Variants in PRKG1 observed in about 807,000 individuals in gnomAD.
PRKG1 encodes the protein cGMP-dependent protein kinase 1.
Under a neutral mutation model 88.1 loss-of-function variants are expected in PRKG1, and 35 were observed. The ratio of observed to expected loss-of-function variants is 0.40; its 90% CI spans 0.30 to 0.53. PRKG1 has a LOEUF of 0.53. PRKG1 is among the 20% of genes least tolerant of loss of function. The pLI is 0.59. For synonymous variants in PRKG1, 303 were observed against 292.5 expected (o/e 1.04, Z -0.37); for missense variants, 540 against 839.8 (o/e 0.64, Z 4.41).
At chr10:51,670,420 C>A (rs1169559906) in intron 3 of PRKG1, among the ~76,000 whole-genome samples, 2 of 146,120 alleles carry the variant, frequency 1.4e-5, no homozygotes, top group East Asian at 4.0e-4. Flanking sequence ...CCTTCTGTTT[C>A]TTCTCTTCAG....
At chr10:51,274,623 A>T (rs1271402958) in intron 2 of PRKG1, among the ~76,000 whole-genome samples, 2 of 152,210 alleles carry the variant, frequency 1.3e-5, no homozygotes, top group Admixed American at 6.5e-5. Flanking sequence ...AAAGTTATTG[A>T]TCGATCCTGT....
intron 8 of PRKG1, among the ~76,000 whole-genome samples, chr10:52,155,935 T>C (rs1387128735): frequency 6.6e-6 from 1 of 151,994 alleles, no homozygotes; most frequent in Non-Finnish European, 1.5e-5. Flanking sequence ...AAGGAGATAA[T>C]TCCTGAAATT....
intron 4 of PRKG1, among the ~76,000 whole-genome samples, chr10:51,870,762 C>T (rs1257933212): frequency 6.6e-6 from 1 of 152,102 alleles, no homozygotes; most frequent in African/African-American, 2.4e-5. Flanking sequence ...GCTCCCATGC[C>T]ATAAACTTTT....
At chr10:51,363,354 T>A (rs1189869588) in intron 2 of PRKG1, among the ~76,000 whole-genome samples, 1 of 151,928 alleles carries the variant, frequency 6.6e-6, no homozygotes, top group East Asian at 1.9e-4. Context: ...TTTCTTTTCA[T>A]CTCTCACGGA....
intron 2 of PRKG1, among the ~76,000 whole-genome samples, chr10:51,354,781 G>A (rs545428549): frequency 7.2e-5 from 11 of 152,186 alleles, no homozygotes; most frequent in African/African-American, 1.2e-4. Context: ...AAGGAGACAG[G>A]CTGTGTTGTC....
intron 2 of PRKG1, among the ~76,000 whole-genome samples, chr10:51,366,371 A>G (rs187758370): frequency 7.2e-5 from 11 of 152,112 alleles, no homozygotes; most frequent in African/African-American, 2.6e-4. Context: ...TAGATTTTAA[A>G]GAGCATTCTA....
At chr10:52,152,087 C>T (rs1364574957) in intron 8 of PRKG1, among the ~76,000 whole-genome samples, 3 of 152,116 alleles carry the variant, frequency 2.0e-5, no homozygotes, top group Non-Finnish European at 2.9e-5. Flanking sequence ...TAGGTGGATA[C>T]CCTAAGACAT....
rs764998402 is a variant in PRKG1, at chr10:51,303,810, T to TAC, written c.478+150481_478+150482insCA. 1.8e-3 allele frequency among the ~76,000 whole-genome samples: 277 copies of TAC among 151,892 alleles called. 1 individual carries two copies. The highest frequency in any genetic ancestry group is 3.4e-3 in the Admixed American group (51 of 15,214). ...TAAAATAAAACTATATCTATATATA[T>TAC]ATACACACACACACACACATACATA... On this transcript the variant is annotated intron_variant, in intron 2 of 17. Coordinates refer to ENST00000373980, the MANE Select transcript of PRKG1 (RefSeq NM_006258.4).
At chr10:51,578,980 G>GTTTTTTTTTGTTTT (rs1837958291) in intron 3 of PRKG1, among the ~76,000 whole-genome samples, 1 of 77,828 alleles carries the variant, frequency 1.3e-5, no homozygotes, top group South Asian at 5.0e-4. Context: ...AGTTCTGTTG[G>GTTTTTTTTTGTTTT]TTTTTTTTTT....
intron 2 of PRKG1, among the ~76,000 whole-genome samples, chr10:51,388,847 C>A (rs625639): frequency 6.6e-6 from 1 of 152,062 alleles, no homozygotes; most frequent in Non-Finnish European, 1.5e-5. Context: ...TTCTCACCAG[C>A]GTTCTAGTTT....
At chr10:51,403,429 T>G (rs996341631) in intron 2 of PRKG1, among the ~76,000 whole-genome samples, 1 of 152,196 alleles carries the variant, frequency 6.6e-6, no homozygotes, top group Non-Finnish European at 1.5e-5. Context: ...AGATATCTCC[T>G]AAGACTTAGT....
intron 2 of PRKG1, among the ~76,000 whole-genome samples, chr10:51,228,876 T>C (rs1388960044): frequency 2.0e-5 from 3 of 152,218 alleles, no homozygotes; most frequent in Non-Finnish European, 2.9e-5. Context: ...GCTTACATTT[T>C]CTCTATCCCT....
chr10:51,413,610 C>T (rs1371800952), intron 2 of PRKG1, among the ~76,000 whole-genome samples: 1 of 152,116 alleles, frequency 6.6e-6, no homozygotes, highest in South Asian at 2.1e-4. Flanking sequence ...CAGTCTGCCT[C>T]TGCCTCCCAA....
chr10:51,182,105 A>G (rs966698894), intron 2 of PRKG1, among the ~76,000 whole-genome samples: 6 of 152,168 alleles, frequency 3.9e-5, no homozygotes, highest in Admixed American at 2.6e-4. Flanking sequence ...AAACAACCAA[A>G]AGAATATGAC....
chr10:51,941,456 TTTATTA>T (rs1842904817), intron 5 of PRKG1, among the ~76,000 whole-genome samples: 1 of 151,872 alleles, frequency 6.6e-6, no homozygotes, highest in Non-Finnish European at 1.5e-5. Flanking sequence ...ATTATTTTAT[TTTATTA>T]TTATTATACT....
At chr10:52,140,363 CTGTT>C (rs10549854) in intron 8 of PRKG1, among the ~76,000 whole-genome samples, 36,233 of 151,948 alleles carry the variant, frequency 0.24, 4,525 homozygotes, top group African/African-American at 0.33. Flanking sequence ...TGCCATCTGT[CTGTT>C]TGTCTTCCAA....
chr10:51,027,710 T>C (rs1843225559), intron 1 of PRKG1, among the ~76,000 whole-genome samples: 1 of 152,142 alleles, frequency 6.6e-6, no homozygotes, highest in African/African-American at 2.4e-5. Context: ...TACTCTCAGA[T>C]GGGAAAATAG....
At chr10:51,395,596 A>T (rs1327510013) in intron 2 of PRKG1, among the ~76,000 whole-genome samples, 1 of 152,190 alleles carries the variant, frequency 6.6e-6, no homozygotes, top group African/African-American at 2.4e-5. Flanking sequence ...GAGAAACTGT[A>T]ATTGAGATAT....
At chr10:51,003,064 T>C (rs994313234) in intron 1 of PRKG1, among the ~76,000 whole-genome samples, 1 of 152,124 alleles carries the variant, frequency 6.6e-6, no homozygotes, top group African/African-American at 2.4e-5. Context: ...TCAATATGTT[T>C]CCTAGGTTAG....
Sources: allele counts gnomAD v4.1 joint callset (sites outside exome capture counted in the v4.1 genomes callset), GRCh38; gene constraint gnomAD v4.1.1; transcripts MANE v1.5; gene names NCBI Gene and HGNC (gene_info 2026-07-23, HGNC 2026-07-21).